Variants in LY9 observed in about 807,000 individuals in gnomAD.
LY9 encodes T-lymphocyte surface antigen Ly-9.
Under a neutral mutation model 64.6 loss-of-function variants are expected in LY9, and 59 were observed. The observed-to-expected ratio is 0.91, with a 90% confidence interval of 0.74 to 1.13. The LOEUF (loss-of-function observed/expected upper bound fraction) is 1.13. Among genes scored for constraint, LY9 ranks in the 50% most tolerant of loss-of-function variants. The pLI is 0.00. For synonymous variants in LY9, 281 were observed against 308.5 expected (o/e 0.91, Z 0.93); for missense variants, 789 against 797.2 (o/e 0.99, Z 0.12).
intron 1 of LY9, chr1:160,798,928 A>G (rs1666166964): frequency 6.6e-6 from 1 of 152,202 alleles, no homozygotes; most frequent in Non-Finnish European, 1.5e-5. Flanking sequence ...AATCCAAGCT[A>G]GGGTCACCCA....
intron 4 of LY9, 160 bp downstream of exon 4, chr1:160,814,921 A>C: frequency 1.6e-6 from 1 of 631,728 alleles, no homozygotes; most frequent in Middle Eastern, 2.5e-4. Context: ...GATTCATAGG[A>C]GGCAAACTCA....
chr1:160,814,762 G>A lies in LY9; in HGVS notation c.1072+1G>A, dbSNP rs753711204. The A allele has an allele frequency of 1.6e-5, 26 of 1,608,984 alleles. No individual in the cohort carries two copies. Among genetic ancestry groups the A allele is most frequent in the African/African-American group, 9.4e-5 (7 of 74,762 alleles). On this transcript the variant is annotated splice_donor_variant, in intron 4 of 9. Transcript: ENST00000263285. LOFTEE classifies it high-confidence loss of function. ...ACACATGTCACCCTGCTCATCTACC[G>A]TGAGTCTCTGGGCAGGGCACCCATC...
chr1:160,799,503 C>T (rs922598747), intron 1 of LY9: 3 of 437,252 alleles, frequency 6.9e-6, no homozygotes, highest in Admixed American at 8.0e-5. Flanking sequence ...AGGCTAATTC[C>T]TCTACTGGAA....
intron 6 of LY9, among the ~76,000 whole-genome samples, chr1:160,819,003 G>A (rs999017742): frequency 7.9e-5 from 12 of 152,160 alleles, no homozygotes; most frequent in African/African-American, 2.9e-4. Flanking sequence ...AGCAGAATGG[G>A]TAGAACACAT....
chr1:160,818,016 T>C (rs530117420), intron 5 of LY9, among the ~76,000 whole-genome samples: 51 of 152,310 alleles, frequency 3.3e-4, no homozygotes, highest in African/African-American at 1.1e-3. Context: ...ACCCAGGGAC[T>C]GTCTGCCTCA....
chr1:160,802,913 C>T (rs1293158975), intron 2 of LY9, among the ~76,000 whole-genome samples: 1 of 152,058 alleles, frequency 6.6e-6, no homozygotes, highest in Non-Finnish European at 1.5e-5. Flanking sequence ...TAATGTGATG[C>T]CTCTAGCTTT....
intron 2 of LY9, chr1:160,801,729 A>T: frequency 7.7e-7 from 1 of 1,307,086 alleles, no homozygotes; most frequent in South Asian, 1.2e-5. Flanking sequence ...GAGGTTTTTT[A>T]TATGATGAGA....
chr1:160,817,866 A>T (rs1431328644), intron 5 of LY9, among the ~76,000 whole-genome samples: 1 of 152,178 alleles, frequency 6.6e-6, no homozygotes, highest in Non-Finnish European at 1.5e-5. Context: ...AGTCCAGCTT[A>T]ACAGGAATCT....
chr1:160,811,149 G>A (rs1461921244), intron 2 of LY9: 1 of 152,278 alleles, frequency 6.6e-6, no homozygotes, highest in Non-Finnish European at 1.5e-5. Context: ...CTAGGCCTAT[G>A]GTGGCAGTGG....
Position 160,796,295 on chromosome 1 carries a change from C to T in LY9, c.108C>T (p.Leu36=). The T allele has an allele frequency of 6.2e-7, 1 of 1,613,266 alleles. No homozygotes were observed. The highest frequency in any genetic ancestry group is 8.5e-7 in the Non-Finnish European group (1 of 1,179,914). ...QIFSSVLQTS[L]LFLLMGLRAS... ...TCTCTTCTGTTCTACAGACCTCTCT[C>T]CTCTTCCTGCTCATGGGTAAGTCCA... The change falls in exon 1 of 10, where the codon CTC becomes CTT. Residue 36 remains leucine (L), a synonymous_variant. Coordinates refer to ENST00000263285, the MANE Select transcript of LY9 (RefSeq NM_002348.4).
At chr1:160,803,145 G>A (rs555655154) in intron 2 of LY9, among the ~76,000 whole-genome samples, 262 of 152,166 alleles carry the variant, frequency 1.7e-3, no homozygotes, top group African/African-American at 6.0e-3. Context: ...AGACAGGGGT[G>A]GTGATGGGCA....
chr1:160,802,368 C>G (rs1372478229), intron 2 of LY9: 1 of 987,800 alleles, frequency 1.0e-6, no homozygotes, highest in Non-Finnish European at 1.2e-6. Flanking sequence ...GCTGCGGCCC[C>G]CTCTCAGCCA....
chr1:160,825,876 C>T (rs189842811), intron 9 of LY9, among the ~76,000 whole-genome samples: 5 of 151,908 alleles, frequency 3.3e-5, no homozygotes, highest in Admixed American at 6.6e-5. Context: ...CACCATTGCA[C>T]TCCAGCCTGG....
In LY9 at chr1:160,796,199, A is replaced by G. The variant is rs777293823; in HGVS notation, c.12A>G (p.Pro4=). MVA[P]KSHTDDWAPG... ...GAAAATAGATCATCATGGTGGCACC[A>G]AAGAGTCACACAGATGACTGGGCTC... is the stretch of plus-strand genomic sequence containing the variant. Residue 4 remains proline, a synonymous_variant, in exon 1 of 10, where the codon CCA becomes CCG. Transcript: ENST00000263285. 6.2e-7 allele frequency: 1 copy of G among 1,614,018 alleles called. No individual in the cohort carries two copies. Among genetic ancestry groups the G allele is most frequent in the Admixed American group, 1.7e-5 (1 of 59,970 alleles).
rs1256470169 is a variant in LY9 at position 160,827,847 on chromosome 1, G to A, written c.*31G>A. The stretch of plus-strand genomic sequence containing the variant: ...AAAGCAGCTGCTGCCTCTCTCCTGG[G>A]ACCGTGGGGTTGGAAAGTCAGCTGG... On this transcript the variant is annotated 3_prime_UTR_variant, in exon 10 of 10. Coordinates refer to ENST00000263285, the MANE Select transcript of LY9 (RefSeq NM_002348.4). 1.3e-6 allele frequency: 2 copies of A among 1,590,140 alleles called. No homozygotes were observed. The highest frequency in any genetic ancestry group is 2.3e-5 in the East Asian group (1 of 44,112).
At position 160,818,284 on chromosome 1, in the gene LY9, T is replaced by A; in HGVS notation, c.1409T>A (p.Ile470Asn). 6.2e-7 allele frequency: 1 copy of A among 1,614,118 alleles called. No individual in the cohort carries two copies. Reference protein sequence around the residue: ...FLMVCLLCVGIFSWCIWKRKG... With the variant: ...FLMVCLLCVGNFSWCIWKRKG... The stretch of plus-strand genomic sequence containing the variant: ...ATGGTTTGCCTTCTGTGCGTTGGGA[T>A]CTTCAGCTGGTGCATTTGGAAGCGA... The change falls in exon 6 of 10, where the codon ATC (isoleucine) becomes AAC (asparagine). Residue 470 changes from isoleucine to asparagine, a missense_variant. By Grantham distance (149) the Ile-to-Asn change is moderately radical (BLOSUM62 -3). Coordinates refer to ENST00000263285, the MANE Select transcript of LY9 (RefSeq NM_002348.4).
At chr1:160,802,599 T>C (rs1666608266) in intron 2 of LY9, 1 of 985,476 alleles carries the variant, frequency 1.0e-6, no homozygotes, top group Non-Finnish European at 1.2e-6. Context: ...TAGCTGCCAG[T>C]GTACACGTGT....
intron 1 of LY9, among the ~76,000 whole-genome samples, chr1:160,798,137 T>G: frequency 6.6e-6 from 1 of 152,186 alleles, no homozygotes. Context: ...GCCCACATCC[T>G]GCCCCCTCCA....
At chr1:160,825,695 A>G (rs996538160) in intron 9 of LY9, among the ~76,000 whole-genome samples, 1 of 152,174 alleles carries the variant, frequency 6.6e-6, no homozygotes, top group African/African-American at 2.4e-5. Flanking sequence ...GGATCACCTG[A>G]GGTCAGGAGT....
Sources: allele counts gnomAD v4.1 joint callset (sites outside exome capture counted in the v4.1 genomes callset), GRCh38; gene constraint gnomAD v4.1.1; transcripts MANE v1.5; gene names NCBI Gene and HGNC (gene_info 2026-07-23, HGNC 2026-07-21).